The following DOCK8 variants were observed in gnomAD, a reference collection of about 807,000 sequenced individuals.
The protein encoded by DOCK8 is dedicator of cytokinesis protein 8.
DOCK8 carries 141 observed loss-of-function variants against 245.6 expected under a neutral mutation model. The ratio of observed to expected loss-of-function variants is 0.57; its 90% CI spans 0.50 to 0.66. DOCK8 has a LOEUF of 0.66. Among genes scored for constraint, DOCK8 ranks in the 30% least tolerant of loss-of-function variants. DOCK8 has a pLI of 0.00. For synonymous variants in DOCK8, 1,168 were observed against 970.2 expected (o/e 1.20, Z -3.79); for missense variants, 2,965 against 2,603.4 (o/e 1.14, Z -3.02).
In DOCK8 at chr9:340,237, C is replaced by T; in HGVS notation, c.1595C>T (p.Pro532Leu). The change falls in exon 14 of 48, where the codon CCC becomes CTC. Residue 532 changes from proline (P) to leucine (L), a missense_variant. Pro to Leu is a moderately conservative substitution (Grantham distance 98). Coordinates refer to ENST00000432829, the MANE Select transcript of DOCK8 (RefSeq NM_203447.4). ...CLTPEMLPVK[P>L]FPENRTRPHK... ...ACTCCTGAAATGCTGCCCGTGAAACCCTTTCCTGAAAACCGGACACGCCCG... is the reference window on the plus strand; with the variant it reads ...ACTCCTGAAATGCTGCCCGTGAAACTCTTTCCTGAAAACCGGACACGCCCG... 6.2e-7 allele frequency: 1 copy of T among 1,614,120 alleles called. No homozygotes were observed. The highest frequency in any genetic ancestry group is 8.5e-7 in the Non-Finnish European group (1 of 1,180,010).
intron 15 of DOCK8, 35 bp from the exon 16 acceptor site, chr9:370,195 A>T (rs761837966): frequency 3.1e-5 from 49 of 1,558,000 alleles, no homozygotes; most frequent in Non-Finnish European, 4.0e-5. Context: ...CCCAAATGTT[A>T]CTGATAATTT....
chr9:240,482 A>C (rs2047352349), intron 1 of DOCK8, among the ~76,000 whole-genome samples: 1 of 152,110 alleles, frequency 6.6e-6, no homozygotes, highest in Admixed American at 6.5e-5. Context: ...CAGGTAAACT[A>C]GCCCTCTGTA....
rs75491289 is a variant in DOCK8 at position 324,771 on chromosome 9, T to C, written c.828-900T>C. Among the ~76,000 whole-genome samples, 55 of 152,340 alleles carry C rather than the reference T, an allele frequency of 3.6e-4. No homozygotes were observed. In the East Asian group the frequency reaches 8.7e-3, roughly 24 times the overall value. ...GAAAAGCAATTGAACTTTTCTTTTG[T>C]TGCCATCTGAAAAGCCCCATTCCTT... On this transcript the variant is annotated intron_variant, in intron 7 of 47. Coordinates refer to ENST00000432829, the MANE Select transcript of DOCK8 (RefSeq NM_203447.4).
At position 271,711 on chromosome 9, in the gene DOCK8, C is replaced by T. The variant is rs2129941077; in HGVS notation, c.138C>T (p.Gly46=). Residue 46 remains glycine (G), a synonymous_variant, in exon 2 of 48, where the codon GGC becomes GGT. Transcript: ENST00000432829. ...ATCGACAGAGCATAAGTACCTCTGG[C>T]TTCCCCTCTCTTCAACTAGTAAGTA... ...QYHRQSISTS[G]FPSLQLPQFY... is the part of the protein sequence containing the mutation. 2 of 1,551,362 alleles carry T rather than the reference C, an allele frequency of 1.3e-6. No homozygotes were observed. Among genetic ancestry groups the T allele is most frequent in the Non-Finnish European group, 8.7e-7 (1 of 1,146,502 alleles).
At chr9:307,955 CAGT>C (rs1342111537) in intron 5 of DOCK8, among the ~76,000 whole-genome samples, 15 of 152,118 alleles carry the variant, frequency 9.9e-5, no homozygotes, top group African/African-American at 3.6e-4. Flanking sequence ...AAGCCAAGCA[CAGT>C]AAGACTAATA....
chr9:434,385 C>T (rs149592162), intron 38 of DOCK8, among the ~76,000 whole-genome samples: 107 of 152,174 alleles, frequency 7.0e-4, no homozygotes, highest in African/African-American at 2.4e-3. Flanking sequence ...AGTCCTTGTT[C>T]AGGAGAAATT....
chr9:370,017 G>C, intron 15 of DOCK8: 1 of 598,246 alleles, frequency 1.7e-6, no homozygotes. Flanking sequence ...TGCCCAGGCT[G>C]GTCTCCAACT....
rs143471309 is a variant in DOCK8, at chr9:293,340, C to G, written c.404+3759C>G. On this transcript the variant is annotated intron_variant, in intron 4 of 47. Transcript: ENST00000432829. ...GTCGTATTTTATCTGTGGGGAGAAT[C>G]CAGTACACTATTGCCAGATGTCCTT... Among the ~76,000 whole-genome samples the G allele has an allele frequency of 4.5e-3, 690 of 152,328 alleles. 25 individuals carry two copies. The highest frequency in any genetic ancestry group is 0.037 in the Admixed American group (560 of 15,290).
chr9:280,263 A>T (rs1373934794), intron 2 of DOCK8, among the ~76,000 whole-genome samples: 1 of 152,254 alleles, frequency 6.6e-6, no homozygotes, highest in Non-Finnish European at 1.5e-5. Flanking sequence ...CTAAAAAGAA[A>T]GACTGCATAA....
At chr9:299,512 C>T (rs908641539) in intron 4 of DOCK8, among the ~76,000 whole-genome samples, 9 of 152,104 alleles carry the variant, frequency 5.9e-5, no homozygotes, top group Non-Finnish European at 1.3e-4. Context: ...GTGCTCCCGC[C>T]TTGGCCTCCC....
At chr9:222,282 C>A (rs1487751165) in intron 1 of DOCK8, among the ~76,000 whole-genome samples, 5 of 151,808 alleles carry the variant, frequency 3.3e-5, no homozygotes, top group Admixed American at 6.6e-5. Flanking sequence ...ACACAAAAAA[C>A]CAAAAGAGAT....
At chr9:246,299 C>G (rs2047504573) in intron 1 of DOCK8, among the ~76,000 whole-genome samples, 1 of 151,980 alleles carries the variant, frequency 6.6e-6, no homozygotes, top group East Asian at 1.9e-4. Context: ...CTGGACAATT[C>G]TTTGAAGCCA....
At chr9:295,282 G>A (rs1005755355) in intron 4 of DOCK8, among the ~76,000 whole-genome samples, 1 of 152,178 alleles carries the variant, frequency 6.6e-6, no homozygotes, top group Non-Finnish European at 1.5e-5. Flanking sequence ...CAGGGTCTGG[G>A]AGTGGGGAAG....
chr9:443,935 G>A (rs2057169410), intron 43 of DOCK8, among the ~76,000 whole-genome samples: 2 of 152,304 alleles, frequency 1.3e-5, no homozygotes, highest in East Asian at 3.9e-4. Flanking sequence ...CTACTCTTCA[G>A]CACTGCTCTT....
rs62531866 is a variant in DOCK8 at position 400,015 on chromosome 9, A to T, written c.3234+756A>T. 8.2e-3 allele frequency among the ~76,000 whole-genome samples: 664 copies of T among 81,438 alleles called. 14 individuals are homozygous for T. The highest frequency in any genetic ancestry group is 0.023 in the African/African-American group (532 of 23,616). 53.4% of individuals were successfully genotyped at this position (81,438 alleles called of 152,430 possible). A position where few individuals can be genotyped will look rare whatever the true frequency, so the allele number is the denominator to read the frequency against. On this transcript the variant is annotated intron_variant, in intron 26 of 47. Transcript: ENST00000432829. ...CACCACCTCCACCACCTCCACCATC[A>T]CCACCACCTCCACCATCACCACCAC...
At chr9:439,107 A>G (rs990690152) in intron 39 of DOCK8, 138 bp from the exon 40 acceptor site, 4 of 1,065,236 alleles carry the variant, frequency 3.8e-6, no homozygotes. Context: ...CTCTCGGGGT[A>G]GAATTACAGA....
At chr9:285,397 T>G (rs541285913) in intron 2 of DOCK8, among the ~76,000 whole-genome samples, 46 of 152,274 alleles carry the variant, frequency 3.0e-4, no homozygotes, top group Middle Eastern at 3.4e-3. Flanking sequence ...GCAGTGCAAG[T>G]AAAGAATCCA....
In DOCK8 at chr9:434,991, C is replaced by T; in HGVS notation, c.5079+16C>T. The T allele has an allele frequency of 1.9e-6, 3 of 1,611,450 alleles. No homozygotes were observed. In the South Asian group the frequency reaches 3.3e-5, roughly 18 times the overall value. On this transcript the variant is annotated intron_variant, in intron 39 of 47. Coordinates refer to ENST00000432829, the MANE Select transcript of DOCK8 (RefSeq NM_203447.4). Reference sequence around the variant, plus strand: ...CAGCTTCCAGGTAGGGTGTGTGCAGCTTTTCCCTTAGAGCAGTGGTTCTCA... The same window carrying T: ...CAGCTTCCAGGTAGGGTGTGTGCAGTTTTTCCCTTAGAGCAGTGGTTCTCA...
At chr9:279,070 C>T (rs544734643) in intron 2 of DOCK8, among the ~76,000 whole-genome samples, 28 of 152,258 alleles carry the variant, frequency 1.8e-4, no homozygotes, top group African/African-American at 5.5e-4. Context: ...GGATATATTT[C>T]AGAAGAAAGT....
Sources: allele counts gnomAD v4.1 joint callset (sites outside exome capture counted in the v4.1 genomes callset), GRCh38; gene constraint gnomAD v4.1.1; transcripts MANE v1.5; gene names NCBI Gene and HGNC (gene_info 2026-07-23, HGNC 2026-07-21).